The following PIEZO2 variants were observed in gnomAD, a reference collection of about 807,000 sequenced individuals.
PIEZO2 encodes piezo-type mechanosensitive ion channel component 2.
In PIEZO2, 172 loss-of-function variants were observed where a neutral mutation model predicts 337.3. The observed-to-expected ratio is 0.51, with a 90% CI of 0.45 to 0.58. The LOEUF is 0.58. Ranked by LOEUF, PIEZO2 falls within the 20% of genes least tolerant of loss-of-function variation. PIEZO2 has a pLI of 0.00. For missense variants in PIEZO2, 3,028 were observed against 3,391.3 expected, an observed-to-expected ratio of 0.89 and a Z score of 2.66; for synonymous variants, 1,251 against 1,228.5, an observed-to-expected ratio of 1.02 and a Z score of -0.38.
rs143536796 is a variant in PIEZO2 at position 10,993,513 on chromosome 18, TTTGTTGTTGTTG to T, written c.161-13865_161-13854del. Among the ~76,000 whole-genome samples, 2 of 151,616 alleles carry T rather than the reference TTTGTTGTTGTTG, an allele frequency of 1.3e-5. No individual in the cohort carries two copies. The highest frequency in any genetic ancestry group is 2.9e-5 in the Non-Finnish European group (2 of 67,888). ...TTCTGTTTATGTGATAGATTACGTT[TTTGTTGTTGTTG>T]TTGTTGTTGTTGTTGTTTTGAGGCG... On this transcript the variant is annotated intron_variant, in intron 2 of 55. Transcript: ENST00000674853. This position sits in a 1 kb window ranked among gnomAD's most constrained non-coding sequence, Gnocchi z 5.0.
intron 2 of PIEZO2, among the ~76,000 whole-genome samples, chr18:10,981,924 C>T (rs1276717312): frequency 6.6e-6 from 1 of 152,164 alleles, no homozygotes; most frequent in African/African-American, 2.4e-5. Context: ...GGCACTTGGG[C>T]CTTCAGCCAC....
intron 23 of PIEZO2, 32 bp downstream of exon 23, chr18:10,762,468 G>C (rs760163815): frequency 6.5e-7 from 1 of 1,530,514 alleles, no homozygotes; most frequent in Non-Finnish European, 8.7e-7. Flanking sequence ...TAACGGAGTG[G>C]AGGCCCAAAC....
intron 21 of PIEZO2, 49 bp from the exon 22 acceptor site, chr18:10,763,147 A>T (rs1480600963): frequency 5.3e-6 from 8 of 1,504,520 alleles, no homozygotes; most frequent in Non-Finnish European, 7.1e-6. Flanking sequence ...AACACGGCAT[A>T]ACAAACAGGA....
chr18:10,736,286 T>A (rs1283597525), intron 34 of PIEZO2, among the ~76,000 whole-genome samples: 4 of 43,822 alleles, frequency 9.1e-5, no homozygotes, highest in Non-Finnish European at 1.6e-4. Flanking sequence ...CAGAGAAGTC[T>A]TTTTCACTTT....
chr18:10,956,526 A>C (rs2033528696), intron 3 of PIEZO2, among the ~76,000 whole-genome samples: 1 of 152,268 alleles, frequency 6.6e-6, no homozygotes, highest in African/African-American at 2.4e-5. Context: ...ATTGAAAAAA[A>C]ATTATCTTAA....
At chr18:10,745,964 G>A (rs185548897) in intron 30 of PIEZO2, among the ~76,000 whole-genome samples, 13 of 152,186 alleles carry the variant, frequency 8.5e-5, no homozygotes, top group Admixed American at 6.5e-4. Flanking sequence ...CAGAATCCTG[G>A]GCACATCACC....
rs1348743216 is a variant in PIEZO2 at position 11,147,425 on chromosome 18, C to T, written c.64+1100G>A. Among the ~76,000 whole-genome samples the T allele has an allele frequency of 8.5e-5, 13 of 152,332 alleles. No homozygotes were observed. In the East Asian group the frequency reaches 2.3e-3, roughly 27 times the overall value. ...AAAACTCTCCCGGCAACTGTCCTGA[C>T]CCTCACCAATCACGCTACAGCCCCC... On this transcript the variant is annotated intron_variant, in intron 1 of 55. Coordinates refer to ENST00000674853, the MANE Select transcript of PIEZO2 (RefSeq NM_001378183.1).
intron 4 of PIEZO2, among the ~76,000 whole-genome samples, chr18:10,889,971 A>T (rs1375035163): frequency 6.6e-6 from 1 of 152,158 alleles, no homozygotes; most frequent in Non-Finnish European, 1.5e-5. Flanking sequence ...TTCCTCTTGG[A>T]CCTTGGCTCC....
intron 1 of PIEZO2, among the ~76,000 whole-genome samples, chr18:11,088,609 A>T (rs9951387): frequency 0.53 from 80,118 of 152,098 alleles, 22,189 homozygotes; most frequent in East Asian, 0.71. Context: ...AGAACACAGA[A>T]GGTTCCCTTA....
chr18:11,018,017 C>T (rs2036176560), intron 2 of PIEZO2, among the ~76,000 whole-genome samples: 1 of 152,110 alleles, frequency 6.6e-6, no homozygotes, highest in Admixed American at 6.5e-5. Flanking sequence ...AATGTATTGC[C>T]TCACTGTTCT....
chr18:10,715,923 G>T, intron 37 of PIEZO2, 107 bp from the exon 38 acceptor site: 1 of 886,990 alleles, frequency 1.1e-6, no homozygotes, highest in Non-Finnish European at 1.7e-6. Context: ...CTCTTGGCCC[G>T]TGCATCTAAT....
At chr18:11,007,654 G>A (rs2035767638) in intron 2 of PIEZO2, among the ~76,000 whole-genome samples, 1 of 152,180 alleles carries the variant, frequency 6.6e-6, no homozygotes, top group Non-Finnish European at 1.5e-5. Context: ...GGAGGACAAT[G>A]AAAAGAATTG....
In PIEZO2 at chr18:10,953,139, AG is replaced by A. The variant is rs2033372464; in HGVS notation, c.286+26395del. Among the ~76,000 whole-genome samples, 1 of 152,202 alleles carries A rather than the reference AG, an allele frequency of 6.6e-6. No homozygotes were observed. Among genetic ancestry groups the A allele is most frequent in the Non-Finnish European group, 1.5e-5 (1 of 68,040 alleles). On this transcript the variant is annotated intron_variant, in intron 3 of 55. Transcript: ENST00000674853. This position sits in a 1 kb window ranked among gnomAD's most constrained non-coding sequence, Gnocchi z 5.2. ...GAGTTCTTCATAAATACTGGATACA[AG>A]TCCTTAATCAGATATATAGTTTGTA... is the stretch of plus-strand genomic sequence containing the variant.
chr18:10,675,898 C>T lies in PIEZO2; in HGVS notation c.8082-610G>A, dbSNP rs535065963. Reference sequence around the variant, plus strand: ...CCCCTGCACGTGCTCCCTTGCCCACCGCCATGTAAGATGTGCCTTTACTCC... The same window carrying T: ...CCCCTGCACGTGCTCCCTTGCCCACTGCCATGTAAGATGTGCCTTTACTCC... On this transcript the variant is annotated intron_variant, in intron 53 of 55. Transcript: ENST00000674853. 2.0e-4 allele frequency among the ~76,000 whole-genome samples: 30 copies of T among 152,260 alleles called. No homozygotes were observed. The East Asian group carries it at 2.3e-3, about 12-fold the overall frequency.
chr18:11,133,721 G>A (rs1295391399), intron 1 of PIEZO2, among the ~76,000 whole-genome samples: 3 of 151,914 alleles, frequency 2.0e-5, no homozygotes, highest in African/African-American at 7.3e-5. Context: ...GGCTCTCCCT[G>A]CTCCTCAGCT....
chr18:11,011,822 C>T (rs1297306957), intron 2 of PIEZO2, among the ~76,000 whole-genome samples: 1 of 152,138 alleles, frequency 6.6e-6, no homozygotes, highest in Non-Finnish European at 1.5e-5. Context: ...CTATGTTCCA[C>T]CAGAACCACA....
Position 11,148,659 on chromosome 18 carries a change from C to CATAGACGGG in PIEZO2, c.-72_-71insCCCGTCTAT. On this transcript the variant is annotated 5_prime_UTR_variant, in exon 1 of 56. The change creates a new upstream start codon in the 5' untranslated region. Coordinates refer to ENST00000674853, the MANE Select transcript of PIEZO2 (RefSeq NM_001378183.1). This position sits in a 1 kb window ranked among gnomAD's most constrained non-coding sequence, Gnocchi z 5.2. ...CCCTAGGGGTGGTGGGACGCAAGGC[C>CATAGACGGG]CATGCCCGTCTATGGCCTCTCGCCG... 1 of 1,487,818 alleles carries CATAGACGGG rather than the reference C, an allele frequency of 6.7e-7. No homozygotes were observed. Among genetic ancestry groups the CATAGACGGG allele is most frequent in the Non-Finnish European group, 9.1e-7 (1 of 1,104,388 alleles). 92.2% of individuals were successfully genotyped at this position (1,487,818 alleles called of 1,614,324 possible).
rs143625962 is a variant in PIEZO2, at chr18:10,752,004, G to T, written c.4167+632C>A. On this transcript the variant is annotated intron_variant, in intron 28 of 55. Transcript: ENST00000674853. ...CGTCGGGGCCTGGTGCGGGTTGTGG[G>T]GGGGGAGGGTCCCTCAACCGTACAT... is the stretch of plus-strand genomic sequence containing the variant. Among the ~76,000 whole-genome samples the T allele has an allele frequency of 8.4e-4, 128 of 152,254 alleles. 1 individual carries two copies. The highest frequency in any genetic ancestry group is 1.2e-3 in the South Asian group (6 of 4,824).
At chr18:10,825,330 GTT>G (rs2040637239) in intron 7 of PIEZO2, among the ~76,000 whole-genome samples, 1 of 152,066 alleles carries the variant, frequency 6.6e-6, no homozygotes, top group Admixed American at 6.6e-5. Flanking sequence ...ATGCCCCTTT[GTT>G]TTGCTTTGTT....
Sources: allele counts gnomAD v4.1 joint callset (sites outside exome capture counted in the v4.1 genomes callset), GRCh38; gene constraint gnomAD v4.1.1; non-coding constraint Gnocchi (gnomAD v3.1); transcripts MANE v1.5; gene names NCBI Gene and HGNC (gene_info 2026-07-23, HGNC 2026-07-21).